The following IFNL3 variants were observed in gnomAD, a reference collection of about 807,000 sequenced individuals.
IFNL3 encodes the protein interferon lambda 3.
In IFNL3, 16 loss-of-function variants were observed where a neutral mutation model predicts 16.3. That is an observed-to-expected ratio of 0.98 (90% CI 0.67 to 1.50). The LOEUF (loss-of-function observed/expected upper bound fraction) is 1.50, where lower values mean the gene tolerates loss of function less well. Ranked by LOEUF, IFNL3 falls within the 40% of genes most tolerant of loss-of-function variation. IFNL3 has a pLI of 0.00. For missense variants in IFNL3, 254 were observed against 253.5 expected (o/e 1.00, Z -0.01); for synonymous variants, 115 against 115.3 (o/e 1.00, Z 0.02).
downstream of IFNL3, chr19:39,243,459 T>C: frequency 2.5e-6 from 2 of 803,174 alleles, no homozygotes; most frequent in Non-Finnish European, 3.9e-6. Context: ...CATGGGTGTC[T>C]TTTCCTCATT....
chr19:39,245,103 G>C, upstream of IFNL3: 1 of 1,595,384 alleles, frequency 6.3e-7, no homozygotes. Context: ...TTTGTCAGCA[G>C]AAGAAACACT....
Position 39,244,795 on chromosome 19 carries a change from T to C in IFNL3, c.173A>G (p.Asp58Gly). ...GGGCAGGGGGAGACTCACTAAGGCATCTTTGGCCCTCTTAAAGGCCTGCAG... is the reference window on the plus strand; with the variant it reads ...GGGCAGGGGGAGACTCACTAAGGCACCTTTGGCCCTCTTAAAGGCCTGCAG... ...QELQAFKRAK[D>G]ALEESLLLKD... Residue 58 changes from aspartate (D) to glycine (G), a missense_variant, in exon 1 of 5, where the codon GAT becomes GGT. Coordinates refer to ENST00000413851, the MANE Select transcript of IFNL3 (RefSeq NM_172139.4). The C allele has an allele frequency of 6.2e-7, 1 of 1,612,700 alleles. No homozygotes were observed.
In IFNL3 at chr19:39,243,716, G is replaced by A; in HGVS notation, c.507C>T (p.Cys169=). The change falls in exon 5 of 5, where the codon TGC becomes TGT. Residue 169 remains cysteine, a synonymous_variant. Transcript: ENST00000413851. The part of the protein sequence containing the change: ...QEAPKKESPG[C]LEASVTFNLF... ...GGTTGAAGGTGACAGAGGCCTCGAG[G>A]CAGCCAGGGGACTCCTGTAGGGAGG... 1 of 1,611,186 alleles carries A rather than the reference G, an allele frequency of 6.2e-7. No individual in the cohort carries two copies. The highest frequency in any genetic ancestry group is 8.5e-7 in the Non-Finnish European group (1 of 1,178,766).
downstream of IFNL3, chr19:39,243,537 A>T (rs112990542): frequency 7.4e-7 from 1 of 1,359,260 alleles, no homozygotes; most frequent in East Asian, 2.5e-5. Flanking sequence ...TTGGATTTAC[A>T]TACACAAATA....
intron 2 of IFNL3, 106 bp from the exon 3 acceptor site, chr19:39,244,263 C>A (rs767519295): frequency 5.4e-5 from 82 of 1,532,150 alleles, no homozygotes; most frequent in Non-Finnish European, 6.9e-5. Flanking sequence ...GGGGAGAGGG[C>A]ACAGCCAGTG....
downstream of IFNL3, chr19:39,243,477 T>G: frequency 1.1e-6 from 1 of 933,758 alleles, no homozygotes; most frequent in Non-Finnish European, 1.6e-6. Context: ...ATTGTTTATT[T>G]CAACAAGGAT....
intron 2 of IFNL3, 87 bp from the exon 3 acceptor site, chr19:39,244,244 A>G: frequency 1.9e-6 from 3 of 1,566,792 alleles, no homozygotes; most frequent in Non-Finnish European, 2.6e-6. Context: ...AGTGAAGGTG[A>G]CAGGCACAGG....
In IFNL3 at chr19:39,244,843, A is replaced by G. The variant is rs200272719; in HGVS notation, c.125T>C (p.Phe42Ser). Reference sequence around the variant, plus strand: ...CAGCTCCTGTGGAGACAGGGACTTGAACTGGGCTATGTGGCAGCCCCTTGC... The same window carrying G: ...CAGCTCCTGTGGAGACAGGGACTTGGACTGGGCTATGTGGCAGCCCCTTGC... ...PDARGCHIAQFKSLSPQELQA... is the reference protein window; with the variant it reads ...PDARGCHIAQSKSLSPQELQA... Residue 42 changes from phenylalanine to serine, a missense_variant, in exon 1 of 5, where the codon TTC becomes TCC. Coordinates refer to ENST00000413851, the MANE Select transcript of IFNL3 (RefSeq NM_172139.4). The G allele has an allele frequency of 9.9e-6, 16 of 1,613,924 alleles. No individual in the cohort carries two copies. Among genetic ancestry groups the G allele is most frequent in the Middle Eastern group, 1.7e-4 (1 of 6,048 alleles).
intron 4 of IFNL3, 47 bp from the exon 5 acceptor site, chr19:39,243,777 C>T: frequency 1.9e-6 from 3 of 1,612,868 alleles, no homozygotes; most frequent in East Asian, 2.2e-5. Context: ...GTTCTGGGCT[C>T]CCAGTGGCTC....
chr19:39,244,486 C>T lies in IFNL3; in HGVS notation c.189G>A (p.Ser63=), dbSNP rs200225591. The T allele has an allele frequency of 1.5e-5, 24 of 1,610,064 alleles. No individual in the cohort carries two copies. Among genetic ancestry groups the T allele is most frequent in the Middle Eastern group, 1.8e-4 (1 of 5,648 alleles). ...GGCACTTGCAGTCCTTCAGCAGAAG[C>T]GACTCTTCCTAGACAGCAAAGGCAC... is the stretch of plus-strand genomic sequence containing the variant. ...FKRAKDALEE[S]LLLKDCKCRS... The change falls in exon 2 of 5, where the codon TCG becomes TCA. Residue 63 remains serine, a synonymous_variant. Transcript: ENST00000413851.
At chr19:39,245,103 G>T (rs200610163), upstream of IFNL3, 1 of 1,595,384 alleles carries the variant, frequency 6.3e-7, no homozygotes, top group Admixed American at 1.7e-5. Flanking sequence ...TTTGTCAGCA[G>T]AAGAAACACT....
chr19:39,244,281 G>T, intron 2 of IFNL3, 124 bp from the exon 3 acceptor site: 1 of 1,505,972 alleles, frequency 6.6e-7, no homozygotes, highest in South Asian at 1.2e-5. Context: ...GTGTGGTCAG[G>T]TAGGAGCAGA....
At chr19:39,244,233 A>G in intron 2 of IFNL3, 76 bp from the exon 3 acceptor site, 1 of 1,583,734 alleles carries the variant, frequency 6.3e-7, no homozygotes, top group Admixed American at 1.8e-5. Context: ...AGAGAGGAAC[A>G]AGTGAAGGTG....
intron 2 of IFNL3, 119 bp from the exon 3 acceptor site, chr19:39,244,276 G>C: frequency 6.6e-7 from 1 of 1,510,330 alleles, no homozygotes; most frequent in Non-Finnish European, 9.0e-7. Flanking sequence ...AGCCAGTGTG[G>C]TCAGGTAGGA....
At position 39,243,891 on chromosome 19, in the gene IFNL3, G is replaced by A. The variant is rs779256274; in HGVS notation, c.425C>T (p.Thr142Met). The change falls in exon 4 of 5, where the codon ACG (threonine) becomes ATG (methionine). Residue 142 changes from threonine to methionine, a missense_variant. Coordinates refer to ENST00000413851, the MANE Select transcript of IFNL3 (RefSeq NM_172139.4). ...QLRACIQPQPTAGPRTRGRLH... is the reference protein window; with the variant it reads ...QLRACIQPQPMAGPRTRGRLH... The stretch of plus-strand genomic sequence containing the variant: ...GCGGCCCCGGGTCCTGGGCCCTGCC[G>A]TGGGCTGAGGCTGGATCTGTGGGCA... 3.7e-5 allele frequency: 60 copies of A among 1,613,568 alleles called. No homozygotes were observed. Among genetic ancestry groups the A allele is most frequent in the Middle Eastern group, 1.7e-4 (1 of 5,948 alleles).
At chr19:39,244,544 A>G in intron 1 of IFNL3, 50 bp from the exon 2 acceptor site, 1 of 1,565,282 alleles carries the variant, frequency 6.4e-7, no homozygotes, top group Non-Finnish European at 8.7e-7. Context: ...TGGAGGTTAG[A>G]CCACTCTGAT....
rs200835829 is a variant in IFNL3, at chr19:39,245,003, G to T, written c.-36C>A. 1.2e-6 allele frequency: 2 copies of T among 1,613,870 alleles called. No homozygotes were observed. Among genetic ancestry groups the T allele is most frequent in the Non-Finnish European group, 1.7e-6 (2 of 1,179,852 alleles). On this transcript the variant is annotated 5_prime_UTR_variant, in exon 1 of 5. Coordinates refer to ENST00000413851, the MANE Select transcript of IFNL3 (RefSeq NM_172139.4). ...CAGAGAGAAAGGGAGCTGAGGGAAT[G>T]CAGAGGCTGCCCACTGAGGGCAGGG...
At position 39,244,864 on chromosome 19, in the gene IFNL3, C is replaced by T. The variant is rs766344202; in HGVS notation, c.104G>A (p.Arg35Lys). The part of the protein sequence containing the change: ...ARLRGALPDA[R>K]GCHIAQFKSL... ...CTTGAACTGGGCTATGTGGCAGCCCCTTGCATCCGGGAGAGCCCCGCGGAG... is the reference window on the plus strand; with the variant it reads ...CTTGAACTGGGCTATGTGGCAGCCCTTTGCATCCGGGAGAGCCCCGCGGAG... The change falls in exon 1 of 5, where the codon AGG becomes AAG. Residue 35 changes from arginine to lysine, a missense_variant. Coordinates refer to ENST00000413851, the MANE Select transcript of IFNL3 (RefSeq NM_172139.4). The T allele has an allele frequency of 6.2e-7, 1 of 1,613,958 alleles. No homozygotes were observed. Among genetic ancestry groups the T allele is most frequent in the South Asian group, 1.1e-5 (1 of 91,070 alleles).
At chr19:39,244,389 C>G in intron 2 of IFNL3, 28 bp downstream of exon 2, 1 of 1,602,254 alleles carries the variant, frequency 6.2e-7, no homozygotes, top group Non-Finnish European at 8.5e-7. Flanking sequence ...GCTGGGAGGG[C>G]AGGGGTGGGC....
Sources: allele counts gnomAD v4.1 joint callset, GRCh38; gene constraint gnomAD v4.1.1; transcripts MANE v1.5; gene names NCBI Gene and HGNC (gene_info 2026-07-23, HGNC 2026-07-21).